Variants in OSMR observed in about 807,000 individuals in gnomAD.
OSMR encodes the protein oncostatin M receptor, also known as oncostatin-M-specific receptor subunit beta.
Under a neutral mutation model 99.9 loss-of-function variants are expected in OSMR, and 81 were observed. The observed-to-expected ratio is 0.81, with a 90% confidence interval of 0.68 to 0.97. The LOEUF is 0.97. OSMR is among the 50% of genes least tolerant of loss of function. OSMR has a pLI of 0.00. For synonymous variants in OSMR, 406 were observed against 410.4 expected (o/e 0.99, Z 0.13); for missense variants, 1,099 against 1,153.4 (o/e 0.95, Z 0.68).
intron 7 of OSMR, among the ~76,000 whole-genome samples, chr5:38,894,800 G>A (rs1463017136): frequency 2.6e-5 from 4 of 151,910 alleles, no homozygotes; most frequent in South Asian, 2.1e-4. Flanking sequence ...TTAGATCATC[G>A]AGGGAGAAAA....
chr5:38,879,993 A>G (rs1262478566), intron 3 of OSMR, among the ~76,000 whole-genome samples: 1 of 152,170 alleles, frequency 6.6e-6, no homozygotes, highest in Non-Finnish European at 1.5e-5. Context: ...ACAACTTGTT[A>G]AGGAACATAT....
intron 7 of OSMR, among the ~76,000 whole-genome samples, chr5:38,902,500 A>G (rs1423590954): frequency 6.6e-6 from 1 of 152,230 alleles, no homozygotes; most frequent in Non-Finnish European, 1.5e-5. Flanking sequence ...AGAACAAGGA[A>G]ATATTGTCAT....
At chr5:38,918,380 G>A (rs1746040229) in intron 10 of OSMR, among the ~76,000 whole-genome samples, 1 of 152,094 alleles carries the variant, frequency 6.6e-6, no homozygotes, top group Admixed American at 6.5e-5. Flanking sequence ...TCTTCCAGAG[G>A]AGGGCTCTGG....
rs191968264 is a variant in OSMR at position 38,859,583 on chromosome 5, T to C, written c.-13-9449T>C. Among the ~76,000 whole-genome samples, 366 of 152,300 alleles carry C rather than the reference T, an allele frequency of 2.4e-3. 1 individual carries two copies. Among genetic ancestry groups the C allele is most frequent in the Middle Eastern group, 6.8e-3 (2 of 294 alleles). On this transcript the variant is annotated intron_variant, in intron 1 of 17. Coordinates refer to ENST00000274276, the MANE Select transcript of OSMR (RefSeq NM_003999.3). ...TTAGGATTGCTTTGGCTATTTGAGATCTTTTGTGGTTTCATATGAATTTTA... is the reference window on the plus strand; with the variant it reads ...TTAGGATTGCTTTGGCTATTTGAGACCTTTTGTGGTTTCATATGAATTTTA...
chr5:38,923,338 G>T, intron 13 of OSMR, 84 bp downstream of exon 13: 1 of 872,704 alleles, frequency 1.1e-6, no homozygotes, highest in Non-Finnish European at 1.9e-6. Context: ...TTAGGAAGCT[G>T]TCAGCACCAT....
chr5:38,918,990 T>C lies in OSMR; in HGVS notation c.1513T>C (p.Cys505Arg), dbSNP rs1306962434. Residue 505 changes from cysteine to arginine, a missense_variant, in exon 11 of 18, where the codon TGC (cysteine) becomes CGC (arginine). Coordinates refer to ENST00000274276, the MANE Select transcript of OSMR (RefSeq NM_003999.3). ...CCTTGACAGGTGTTCCTACCAAATC[T>C]GCGTCATAGCCAACAACAGTGTGGG... ...LILDRCSYQI[C>R]VIANNSVGAS... 1 of 1,614,176 alleles carries C rather than the reference T, an allele frequency of 6.2e-7. No individual in the cohort carries two copies. Among genetic ancestry groups the C allele is most frequent in the Non-Finnish European group, 8.5e-7 (1 of 1,180,028 alleles).
Position 38,898,950 on chromosome 5 carries a change from C to CTTTTTTTTTTTTTT in OSMR, c.992-4921_992-4908dup, listed in dbSNP as rs58159819. ...TTTGTTGTTTCTATTTACATAATAT[C>CTTTTTTTTTTTTTT]TTTTTTTTTTTTTTTTTTTTTTTTG... On this transcript the variant is annotated intron_variant, in intron 7 of 17. Transcript: ENST00000274276. 2.2e-4 allele frequency among the ~76,000 whole-genome samples: 17 copies of CTTTTTTTTTTTTTT among 78,286 alleles called. 3 individuals carry two copies. The highest frequency in any genetic ancestry group is 5.0e-4 in the Admixed American group (3 of 5,980). 51.4% of individuals were successfully genotyped at this position (78,286 alleles called of 152,430 possible).
intron 1 of OSMR, among the ~76,000 whole-genome samples, chr5:38,856,788 C>T (rs972357116): frequency 6.6e-6 from 1 of 152,152 alleles, no homozygotes; most frequent in Non-Finnish European, 1.5e-5. Flanking sequence ...ACTAGGGGCA[C>T]GTGCCACCAT....
chr5:38,936,315 C>CTAA (rs1180037117), downstream of OSMR, among the ~76,000 whole-genome samples: 2 of 151,976 alleles, frequency 1.3e-5, no homozygotes, highest in Non-Finnish European at 2.9e-5. Context: ...TCTACTTTTT[C>CTAA]TAATAGTCAT....
intron 7 of OSMR, among the ~76,000 whole-genome samples, chr5:38,889,082 T>C (rs1422799580): frequency 6.6e-6 from 1 of 152,170 alleles, no homozygotes; most frequent in Non-Finnish European, 1.5e-5. Flanking sequence ...CACTTGGTTT[T>C]TTTGCCTAGA....
chr5:38,941,274 G>A (rs1237430250), intron 1 of OSMR: 1 of 232,158 alleles, frequency 4.3e-6, no homozygotes, highest in Non-Finnish European at 8.5e-6. Flanking sequence ...TTTAAAATTT[G>A]GTACTTAAGG....
rs1357114711 is a variant in OSMR, at chr5:38,882,539, T to C, written c.418+775T>C. ...GCAGTGAGCCTAGATTACACCACTGTACTCCAGCCTGGGCCACAGGGCAAG... is the reference window on the plus strand; with the variant it reads ...GCAGTGAGCCTAGATTACACCACTGCACTCCAGCCTGGGCCACAGGGCAAG... On this transcript the variant is annotated intron_variant, in intron 4 of 17. Coordinates refer to ENST00000274276, the MANE Select transcript of OSMR (RefSeq NM_003999.3). Among the ~76,000 whole-genome samples the C allele has an allele frequency of 6.6e-5, 10 of 151,810 alleles. No homozygotes were observed. The East Asian group carries it at 1.9e-3, about 29-fold the overall frequency.
chr5:38,862,441 G>T (rs1275148481), intron 1 of OSMR, among the ~76,000 whole-genome samples: 1 of 149,832 alleles, frequency 6.7e-6, no homozygotes, highest in Non-Finnish European at 1.5e-5. Context: ...CCTCCCTCCC[G>T]GACGGGTGGC....
rs185103502 is a variant in OSMR, at chr5:38,852,374, G to A, written c.-14+5987G>A. On this transcript the variant is annotated intron_variant, in intron 1 of 17. Coordinates refer to ENST00000274276, the MANE Select transcript of OSMR (RefSeq NM_003999.3). ...AAATACACATAGAATTTTAGTAGATGTGGTCAAATGGACCTCTGTAAGGTT... is the reference window on the plus strand; with the variant it reads ...AAATACACATAGAATTTTAGTAGATATGGTCAAATGGACCTCTGTAAGGTT... Among the ~76,000 whole-genome samples, 589 of 152,320 alleles carry A rather than the reference G, an allele frequency of 3.9e-3. 3 individuals carry two copies. The highest frequency in any genetic ancestry group is 0.021 in the South Asian group (99 of 4,818).
At chr5:38,871,236 A>G (rs144874343) in intron 2 of OSMR, among the ~76,000 whole-genome samples, 22 of 152,288 alleles carry the variant, frequency 1.4e-4, no homozygotes, top group Non-Finnish European at 1.3e-4. Flanking sequence ...AGCACTATTT[A>G]CTATGTGCCT....
Position 38,901,095 on chromosome 5 carries a change from C to T in OSMR, c.992-2787C>T, listed in dbSNP as rs777224472. On this transcript the variant is annotated intron_variant, in intron 7 of 17. Coordinates refer to ENST00000274276, the MANE Select transcript of OSMR (RefSeq NM_003999.3). ...ATACAGCAAGATATGGTGAGTAAGGCGGCTGGCGTGGCCATTGCCACTGTA... is the reference window on the plus strand; with the variant it reads ...ATACAGCAAGATATGGTGAGTAAGGTGGCTGGCGTGGCCATTGCCACTGTA... 5.9e-5 allele frequency among the ~76,000 whole-genome samples: 9 copies of T among 152,192 alleles called. No individual in the cohort carries two copies. The South Asian group carries it at 6.2e-4, about 10-fold the overall frequency.
At chr5:38,868,759 A>C (rs1742141293) in intron 1 of OSMR, 1 of 152,352 alleles carries the variant, frequency 6.6e-6, no homozygotes, top group Non-Finnish European at 1.5e-5. Context: ...TCAAAGGTAG[A>C]AACACAAAAG....
At chr5:38,928,658 A>C (rs1193653450) in intron 15 of OSMR, among the ~76,000 whole-genome samples, 1 of 152,096 alleles carries the variant, frequency 6.6e-6, no homozygotes, top group Non-Finnish European at 1.5e-5. Flanking sequence ...TGGGAGCTAC[A>C]ATTTGAGATG....
chr5:38,941,124 T>C (rs115757729), intron 1 of OSMR: 1 of 232,846 alleles, frequency 4.3e-6, no homozygotes, highest in Non-Finnish European at 8.5e-6. Context: ...CATATACAAA[T>C]TAAACAAACA....
Sources: gnomAD v4.1 joint callset for allele counts (sites outside exome capture counted in the v4.1 genomes callset) on GRCh38, gnomAD v4.1.1 for gene constraint, MANE v1.5 for transcripts, NCBI Gene and HGNC (gene_info 2026-07-23, HGNC 2026-07-21) for gene names.